SLIT3: variants seen among roughly 807,000 people sequenced by gnomAD.
SLIT3 encodes slit homolog 3 protein.
A neutral mutation model predicts 184.0 loss-of-function variants in SLIT3; 68 were observed. That is an observed-to-expected ratio of 0.37 (90% CI 0.30 to 0.45). The LOEUF (loss-of-function observed/expected upper bound fraction) is 0.45, where lower values mean the gene tolerates loss of function less well. Ranked by LOEUF, SLIT3 falls within the 20% of genes least tolerant of loss-of-function variation. The pLI is 1.00. For synonymous variants in SLIT3, 831 were observed against 828.6 expected (o/e 1.00, Z -0.05); for missense variants, 1,707 against 2,026.0 (o/e 0.84, Z 3.02).
chr5:169,109,343 G>A (rs1025330541), intron 4 of SLIT3, among the ~76,000 whole-genome samples: 1 of 152,218 alleles, frequency 6.6e-6, no homozygotes, highest in South Asian at 2.1e-4. Flanking sequence ...GGGACCCTTA[G>A]TCATACAGCC....
At chr5:169,127,864 C>T (rs1359060024) in intron 4 of SLIT3, among the ~76,000 whole-genome samples, 1 of 152,192 alleles carries the variant, frequency 6.6e-6, no homozygotes, top group Non-Finnish European at 1.5e-5. Flanking sequence ...GGTTTTTCCT[C>T]AACCCCAAAA....
intron 20 of SLIT3, among the ~76,000 whole-genome samples, chr5:168,739,117 A>AT (rs1256024243): frequency 6.6e-6 from 1 of 152,222 alleles, no homozygotes; most frequent in Non-Finnish European, 1.5e-5. Context: ...TTATTTAAAA[A>AT]ATATATTGTA....
chr5:169,178,656 C>T (rs541933220), intron 4 of SLIT3, among the ~76,000 whole-genome samples: 43 of 152,154 alleles, frequency 2.8e-4, no homozygotes, highest in Non-Finnish European at 5.9e-4. Context: ...CCCCTATTCC[C>T]TGTTTAATTT....
chr5:169,004,982 C>G (rs188884020), intron 4 of SLIT3, among the ~76,000 whole-genome samples: 1 of 152,158 alleles, frequency 6.6e-6, no homozygotes, highest in Non-Finnish European at 1.5e-5. Flanking sequence ...TTTTATTGAG[C>G]TTTCTTCTTT....
rs189198206 is a variant in SLIT3 at position 168,889,444 on chromosome 5, G to A, written c.414-6108C>T. 5.5e-4 allele frequency among the ~76,000 whole-genome samples: 83 copies of A among 152,138 alleles called. 1 individual carries two copies. The highest frequency in any genetic ancestry group is 9.8e-4 in the Admixed American group (15 of 15,292). On this transcript the variant is annotated intron_variant, in intron 4 of 35. Coordinates refer to ENST00000519560, the MANE Select transcript of SLIT3 (RefSeq NM_003062.4). ...TCCAGGGAATCAAAGTATCAATGGG[G>A]GACAAAAAAACGCCAATTATTTCCC... is the stretch of plus-strand genomic sequence containing the variant.
At chr5:168,756,520 C>T (rs1754952252) in intron 16 of SLIT3, among the ~76,000 whole-genome samples, 1 of 152,210 alleles carries the variant, frequency 6.6e-6, no homozygotes. Flanking sequence ...TAAGCATTCC[C>T]AGCATCCCTC....
intron 4 of SLIT3, among the ~76,000 whole-genome samples, chr5:169,112,498 C>G (rs1252465163): frequency 1.3e-5 from 2 of 152,198 alleles, no homozygotes; most frequent in Non-Finnish European, 2.9e-5. Flanking sequence ...CATCTGGAGG[C>G]TCTGGGGTCA....
intron 15 of SLIT3, among the ~76,000 whole-genome samples, chr5:168,761,347 G>T (rs537976918): frequency 1.1e-4 from 17 of 152,254 alleles, no homozygotes; most frequent in African/African-American, 3.9e-4. Context: ...TCTACCAGGA[G>T]CAGCTCGGGA....
intron 5 of SLIT3, among the ~76,000 whole-genome samples, chr5:168,863,957 G>T (rs1165681912): frequency 6.6e-6 from 1 of 151,524 alleles, no homozygotes; most frequent in African/African-American, 2.4e-5. Flanking sequence ...GGTAGCTCAT[G>T]CCTGTAATTT....
At position 168,844,707 on chromosome 5, in the gene SLIT3, G is replaced by C. The variant is rs763575923; in HGVS notation, c.486-52C>G. On this transcript the variant is annotated intron_variant, in intron 5 of 35. Transcript: ENST00000519560. ...AGGCTGAGCGGGGGCAGCGTGAGGGGCCGGCGGCCCAGGCCACCCGAGCGC... is the reference window on the plus strand; with the variant it reads ...AGGCTGAGCGGGGGCAGCGTGAGGGCCCGGCGGCCCAGGCCACCCGAGCGC... 5 of 1,576,322 alleles carry C rather than the reference G, an allele frequency of 3.2e-6. No individual in the cohort carries two copies. The South Asian group carries it at 3.3e-5, about 10-fold the overall frequency.
chr5:168,844,615 C>T lies in SLIT3; in HGVS notation c.526G>A (p.Ala176Thr), dbSNP rs370656063. ...TCCAAATCGCGCAGCGCTCGGAAGG[C>T]TCCATCTTCAATGCAGCTGATGTGG... is the stretch of plus-strand genomic sequence containing the variant. ...NNHISCIEDG[A>T]FRALRDLEIL... Residue 176 changes from alanine to threonine, a missense_variant, in exon 6 of 36, where the codon GCC (alanine) becomes ACC (threonine). This residue lies in a region of SLIT3 where 1,307 missense variants were observed against 1,511.6 expected (regional missense o/e 0.86). Transcript: ENST00000519560. 2.2e-5 allele frequency: 35 copies of T among 1,614,072 alleles called. No individual in the cohort carries two copies. The highest frequency in any genetic ancestry group is 2.9e-5 in the Non-Finnish European group (34 of 1,180,042).
In SLIT3 at chr5:168,723,014, G is replaced by A; in HGVS notation, c.2340-10C>T. On this transcript the variant is annotated splice_polypyrimidine_tract_variant and intron_variant, in intron 21 of 35. Transcript: ENST00000519560. ...GTTGTTGCTCAGGTCACTAGGAAAA[G>A]TAAAACAGAGGGGTCATGCTTTTGT... 6.2e-7 allele frequency: 1 copy of A among 1,609,606 alleles called. No homozygotes were observed. Among genetic ancestry groups the A allele is most frequent in the Non-Finnish European group, 8.5e-7 (1 of 1,175,888 alleles).
chr5:168,821,813 A>G (rs1757542493), intron 7 of SLIT3, among the ~76,000 whole-genome samples: 2 of 152,214 alleles, frequency 1.3e-5, no homozygotes, highest in South Asian at 4.1e-4. Flanking sequence ...AAATGAAGAA[A>G]CTTGCTCAAA....
At chr5:168,935,593 A>G (rs1235649572) in intron 4 of SLIT3, among the ~76,000 whole-genome samples, 1 of 152,180 alleles carries the variant, frequency 6.6e-6, no homozygotes, top group Non-Finnish European at 1.5e-5. Flanking sequence ...CACTGATGAA[A>G]TGATCCTTTT....
At position 168,770,770 on chromosome 5, in the gene SLIT3, A is replaced by T. The variant is rs143601652; in HGVS notation, c.1459+2011T>A. Reference sequence around the variant, plus strand: ...CCCCCACATAGGAAAAGCAGCCAGGATCCTGCAGATCTACAGGTAGGACGA... The same window carrying T: ...CCCCCACATAGGAAAAGCAGCCAGGTTCCTGCAGATCTACAGGTAGGACGA... On this transcript the variant is annotated intron_variant, in intron 14 of 35. Coordinates refer to ENST00000519560, the MANE Select transcript of SLIT3 (RefSeq NM_003062.4). Among the ~76,000 whole-genome samples the T allele has an allele frequency of 4.9e-3, 750 of 152,212 alleles. 3 individuals are homozygous for T. Among genetic ancestry groups the T allele is most frequent in the Middle Eastern group, 0.014 (4 of 294 alleles).
chr5:168,903,781 A>G (rs945644222), intron 4 of SLIT3, among the ~76,000 whole-genome samples: 1 of 150,674 alleles, frequency 6.6e-6, no homozygotes, highest in African/African-American at 2.4e-5. Flanking sequence ...TCAGAGAATC[A>G]TGGCGGTCCC....
intron 4 of SLIT3, among the ~76,000 whole-genome samples, chr5:169,050,581 C>T (rs1172911909): frequency 1.3e-5 from 2 of 152,164 alleles, no homozygotes; most frequent in Admixed American, 6.5e-5. Context: ...GCAAGACCAA[C>T]GTTGTGTCTG....
rs916058959 is a variant in SLIT3, at chr5:168,750,778, G to A, written c.1974-1143C>T. Among the ~76,000 whole-genome samples the A allele has an allele frequency of 4.6e-5, 7 of 151,848 alleles. No homozygotes were observed. In the South Asian group the frequency reaches 6.2e-4, roughly 14 times the overall value. ...TTCCTTTACTCAACAATTATATGCC[G>A]GGCATCTGCTTGTGCTCTTGGCACA... On this transcript the variant is annotated intron_variant, in intron 18 of 35. Transcript: ENST00000519560.
intron 4 of SLIT3, among the ~76,000 whole-genome samples, chr5:168,907,979 T>TATATAGAGAGAG (rs376418381): frequency 2.4e-4 from 12 of 50,082 alleles, no homozygotes; most frequent in Admixed American, 7.8e-4. Flanking sequence ...TATATATATA[T>TATATAGAGAGAG]AGAGAGAGAG....
Sources: gnomAD v4.1 joint callset for allele counts (sites outside exome capture counted in the v4.1 genomes callset) on GRCh38, gnomAD v4.1.1 for gene constraint, gnomAD v4.1.1 regional missense constraint, MANE v1.5 for transcripts, NCBI Gene and HGNC (gene_info 2026-07-23, HGNC 2026-07-21) for gene names.